Variants in MOCOS observed in about 807,000 individuals in gnomAD.
MOCOS encodes molybdenum cofactor sulfurase.
A neutral mutation model predicts 83.6 loss-of-function variants in MOCOS; 86 were observed. That is an observed-to-expected ratio of 1.03 (90% CI 0.86 to 1.23). The LOEUF (loss-of-function observed/expected upper bound fraction) is 1.23. MOCOS is among the 50% of genes most tolerant of loss of function. The pLI is 0.00. For synonymous variants in MOCOS, 445 were observed against 434.7 expected, an observed-to-expected ratio of 1.02 and a Z score of -0.29; for missense variants, 1,120 against 1,126.9, an observed-to-expected ratio of 0.99 and a Z score of 0.09.
At chr18:36,225,144 T>A (rs1262649460) in intron 9 of MOCOS, among the ~76,000 whole-genome samples, 1 of 151,882 alleles carries the variant, frequency 6.6e-6, no homozygotes, top group African/African-American at 2.4e-5. Flanking sequence ...TTTCTTTTCT[T>A]TTTTTTTGTT....
chr18:36,250,147 G>A (rs489043), intron 10 of MOCOS, among the ~76,000 whole-genome samples: 60,038 of 151,742 alleles, frequency 0.4, 12,206 homozygotes, highest in African/African-American at 0.47. Flanking sequence ...TTTCACCCCC[G>A]CCCATATACT....
intron 5 of MOCOS, 102 bp from the exon 6 acceptor site, chr18:36,204,975 A>G: frequency 9.9e-7 from 1 of 1,006,070 alleles, no homozygotes; most frequent in Non-Finnish European, 1.4e-6. Flanking sequence ...CCTGGGTGAC[A>G]GAGTGAGTGA....
intron 10 of MOCOS, among the ~76,000 whole-genome samples, chr18:36,250,452 G>A (rs558920410): frequency 6.6e-6 from 1 of 152,272 alleles, no homozygotes; most frequent in South Asian, 2.1e-4. Context: ...AGTGTGAAGG[G>A]CTATACCCCC....
In MOCOS at chr18:36,200,233, C is replaced by T. The variant is rs775592486; in HGVS notation, c.850C>T (p.Leu284=). The T allele has an allele frequency of 1.7e-5, 27 of 1,614,050 alleles. No individual in the cohort carries two copies. Among genetic ancestry groups the T allele is most frequent in the Middle Eastern group, 3.3e-4 (2 of 6,082 alleles). The part of the protein sequence containing the change: ...ALLVHNRAAP[L]LRKTYFGGGT... ...GCTGGTCCATAATCGTGCGGCTCCT[C>T]TACTGAGGAAGACCTACTTTGGAGG... Residue 284 remains leucine (L), a synonymous_variant, in exon 4 of 15, where the codon CTA becomes TTA. Transcript: ENST00000261326.
At chr18:36,199,176 T>G (rs2091401765) in intron 3 of MOCOS, among the ~76,000 whole-genome samples, 1 of 152,224 alleles carries the variant, frequency 6.6e-6, no homozygotes, top group Non-Finnish European at 1.5e-5. Flanking sequence ...TTTACTAGTA[T>G]TTGTATGTTA....
At chr18:36,198,838 A>C in intron 3 of MOCOS, 82 bp downstream of exon 3, 2 of 1,469,214 alleles carry the variant, frequency 1.4e-6, no homozygotes, top group Non-Finnish European at 1.9e-6. Flanking sequence ...ATCCCACAAA[A>C]GTTCTGAGTT....
intron 12 of MOCOS, among the ~76,000 whole-genome samples, chr18:36,258,617 C>G (rs1454875394): frequency 6.6e-6 from 1 of 152,116 alleles, no homozygotes; most frequent in East Asian, 1.9e-4. Flanking sequence ...GTCTTTCAAC[C>G]CTGTCTCTGG....
chr18:36,221,807 A>G (rs2091497190), intron 9 of MOCOS, among the ~76,000 whole-genome samples: 1 of 150,242 alleles, frequency 6.7e-6, no homozygotes, highest in Non-Finnish European at 1.5e-5. Flanking sequence ...GCTCACTGCA[A>G]CCTCTGCCTC....
rs534359880 is a variant in MOCOS at position 36,199,276 on chromosome 18, C to A, written c.300-407C>A. On this transcript the variant is annotated intron_variant, in intron 3 of 14. Coordinates refer to ENST00000261326, the MANE Select transcript of MOCOS (RefSeq NM_017947.4). Reference sequence around the variant, plus strand: ...ATTATTAACACAATTTCCAATCACACAATTTCAAGTTAGTTCAAATGTGAA... The same window carrying A: ...ATTATTAACACAATTTCCAATCACAAAATTTCAAGTTAGTTCAAATGTGAA... Among the ~76,000 whole-genome samples, 9 of 152,296 alleles carry A rather than the reference C, an allele frequency of 5.9e-5. No homozygotes were observed. In the East Asian group the frequency reaches 1.7e-3, roughly 29 times the overall value.
chr18:36,226,762 TAG>T (rs2091517557), intron 9 of MOCOS, among the ~76,000 whole-genome samples: 1 of 151,942 alleles, frequency 6.6e-6, no homozygotes, highest in Non-Finnish European at 1.5e-5. Context: ...TAAAATATCT[TAG>T]AGTTATAACG....
chr18:36,209,180 T>A (rs180981982), intron 6 of MOCOS, among the ~76,000 whole-genome samples: 1 of 152,176 alleles, frequency 6.6e-6, no homozygotes, highest in East Asian at 1.9e-4. Context: ...CTTCTTCTTT[T>A]TTTTTTTTCT....
At chr18:36,211,360 C>T (rs1347475860) in intron 6 of MOCOS, among the ~76,000 whole-genome samples, 3 of 152,138 alleles carry the variant, frequency 2.0e-5, no homozygotes, top group East Asian at 1.9e-4. Flanking sequence ...CTGCCTCTTG[C>T]CAGCTCTGTG....
intron 4 of MOCOS, among the ~76,000 whole-genome samples, chr18:36,201,289 A>G (rs957192910): frequency 4.6e-5 from 7 of 152,196 alleles, no homozygotes; most frequent in Non-Finnish European, 7.4e-5. Flanking sequence ...CCACTGGGGA[A>G]TGAGTCCCCG....
intron 13 of MOCOS, among the ~76,000 whole-genome samples, chr18:36,263,608 CTGGGATGGTT>C (rs1211131792): frequency 6.6e-6 from 1 of 152,072 alleles, no homozygotes; most frequent in Admixed American, 6.5e-5. Context: ...CTGGGATGGT[CTGGGATGGTT>C]TGGATGTCCT....
intron 9 of MOCOS, among the ~76,000 whole-genome samples, chr18:36,235,995 A>T: frequency 6.8e-6 from 1 of 147,248 alleles, no homozygotes; most frequent in African/African-American, 2.5e-5. Context: ...TTTTTCTTGT[A>T]AATTTGTTTG....
chr18:36,257,047 G>A lies in MOCOS; in HGVS notation c.2244G>A (p.Leu748=), dbSNP rs1388122792. 1.2e-6 allele frequency: 2 copies of A among 1,614,026 alleles called. No homozygotes were observed. The highest frequency in any genetic ancestry group is 2.2e-5 in the South Asian group (2 of 91,074). Residue 748 remains leucine (L), a synonymous_variant, in exon 12 of 15, where the codon TTG becomes TTA. Coordinates refer to ENST00000261326, the MANE Select transcript of MOCOS (RefSeq NM_017947.4). The part of the protein sequence containing the change: ...QYLLINTSSI[L]ELHRQLNTSD... ...TGCTGATCAACACATCCAGTATTTT[G>A]GAACTTCACCGGCAACTAAACACCA...
At chr18:36,265,479 T>C (rs2091678824) in intron 13 of MOCOS, among the ~76,000 whole-genome samples, 2 of 152,186 alleles carry the variant, frequency 1.3e-5, no homozygotes, top group South Asian at 2.1e-4. Flanking sequence ...CTAATTTCAG[T>C]GCATAATTTG....
At chr18:36,230,252 AT>A (rs779416174) in intron 9 of MOCOS, among the ~76,000 whole-genome samples, 1 of 151,834 alleles carries the variant, frequency 6.6e-6, no homozygotes, top group Non-Finnish European at 1.5e-5. Flanking sequence ...CACCAGGCTA[AT>A]TTTTTTGTAT....
chr18:36,199,709 C>T lies in MOCOS; in HGVS notation c.326C>T (p.Ala109Val). Residue 109 changes from alanine (A) to valine (V), a missense_variant, in exon 4 of 15, where the codon GCA (alanine) becomes GTA (valine). By Grantham distance (64) the Ala-to-Val change is moderately conservative. Transcript: ENST00000261326. ...YRILAHFHTT[A>V]EDYTVIFTAG... ...ATCCTGGCGCACTTCCACACCACCGCAGAAGACTACACTGTGATCTTCACT... is the reference window on the plus strand; with the variant it reads ...ATCCTGGCGCACTTCCACACCACCGTAGAAGACTACACTGTGATCTTCACT... The T allele has an allele frequency of 6.2e-7, 1 of 1,614,022 alleles. No individual in the cohort carries two copies. Among genetic ancestry groups the T allele is most frequent in the South Asian group, 1.1e-5 (1 of 91,078 alleles).
Sources: allele counts gnomAD v4.1 joint callset (sites outside exome capture counted in the v4.1 genomes callset), GRCh38; gene constraint gnomAD v4.1.1; transcripts MANE v1.5; gene names NCBI Gene and HGNC (gene_info 2026-07-23, HGNC 2026-07-21).